CELF2: variants seen among roughly 807,000 people sequenced by gnomAD.
CELF2 encodes CUG triplet repeat RNA-binding protein 2.
A neutral mutation model predicts 62.6 loss-of-function variants in CELF2; 8 were observed. That is an observed-to-expected ratio of 0.13 (90% CI 0.07 to 0.23). The LOEUF (loss-of-function observed/expected upper bound fraction) is 0.23. Ranked by LOEUF, CELF2 falls within the 10% of genes least tolerant of loss-of-function variation. The pLI, the probability that CELF2 is intolerant of heterozygous loss-of-function variation, is 1.00. For missense variants in CELF2, 333 were observed against 671.0 expected (o/e 0.50, Z 5.56); for synonymous variants, 258 against 250.0 (o/e 1.03, Z -0.30).
intron 1 of CELF2, among the ~76,000 whole-genome samples, chr10:11,070,946 C>G (rs1426019787): frequency 6.6e-6 from 1 of 151,980 alleles, no homozygotes; most frequent in African/African-American, 2.4e-5. Context: ...TTGGAACTAG[C>G]CAGCTATGAA....
At chr10:10,726,339 T>C in the CELF2 span, among the ~76,000 whole-genome samples, 8 of 152,294 alleles carry the variant, frequency 5.3e-5, no homozygotes, top group East Asian at 1.5e-3. Context: ...CTTTCTAGAT[T>C]GTGCTTCTCT....
the CELF2 span, among the ~76,000 whole-genome samples, chr10:10,594,120 C>T: frequency 3.3e-5 from 5 of 152,024 alleles, no homozygotes; most frequent in East Asian, 1.9e-4. Context: ...ACCGTGGAGG[C>T]GGAGAAGAGG....
intron 2 of CELF2, among the ~76,000 whole-genome samples, chr10:11,210,194 G>T (rs866793205): frequency 3.9e-5 from 6 of 152,050 alleles, no homozygotes; most frequent in Middle Eastern, 3.2e-3. Context: ...TTGCTTTGTT[G>T]TTTAATAAAA....
chr10:11,158,415 T>C (rs1407841666), intron 1 of CELF2, among the ~76,000 whole-genome samples: 1 of 152,128 alleles, frequency 6.6e-6, no homozygotes, highest in Non-Finnish European at 1.5e-5. Context: ...CCTGTTGCCA[T>C]TTCTAAAAGT....
At chr10:11,183,330 C>G (rs1565147587) in intron 2 of CELF2, among the ~76,000 whole-genome samples, 1 of 152,204 alleles carries the variant, frequency 6.6e-6, no homozygotes, top group African/African-American at 2.4e-5. Context: ...GGTACCACAG[C>G]TCATCACCTC....
intron 1 of CELF2, among the ~76,000 whole-genome samples, chr10:10,818,397 G>A (rs1288061175): frequency 1.3e-5 from 2 of 152,112 alleles, no homozygotes; most frequent in African/African-American, 2.4e-5. Flanking sequence ...ATTAGATGAC[G>A]TTCTGCTTCC....
chr10:11,231,526 AG>A (rs111972504), intron 3 of CELF2, among the ~76,000 whole-genome samples: 2,351 of 152,232 alleles, frequency 0.015, 64 homozygotes, highest in African/African-American at 0.054. Context: ...TGAGCAGAGA[AG>A]GGGATCCGGA....
At chr10:10,954,199 T>A (rs2048626918) in intron 2 of CELF2, among the ~76,000 whole-genome samples, 2 of 146,796 alleles carry the variant, frequency 1.4e-5, no homozygotes, top group Non-Finnish European at 3.0e-5. Context: ...TAGAGGGCAA[T>A]TTGGCAATTT....
chr10:11,284,886 G>T lies in CELF2; in HGVS notation c.842-3532G>T, dbSNP rs61657914. 2.6e-3 allele frequency among the ~76,000 whole-genome samples: 395 copies of T among 149,884 alleles called. 7 individuals are homozygous for T. Among genetic ancestry groups the T allele is most frequent in the African/African-American group, 9.3e-3 (375 of 40,412 alleles). On this transcript the variant is annotated intron_variant, in intron 8 of 12. Coordinates refer to ENST00000633077, the MANE Select transcript of CELF2 (RefSeq NM_001326342.2). ...TGGATGGATGGATAGTTGGGTAGAT[G>T]TGTGGGTGGATGGGTGGATGGTTGG...
chr10:10,662,324 G>A, the CELF2 span, among the ~76,000 whole-genome samples: 1 of 152,206 alleles, frequency 6.6e-6, no homozygotes, highest in Admixed American at 6.5e-5. Context: ...CCAGTAGACA[G>A]TTAGATATTT....
At chr10:11,140,427 C>A (rs543615688) in intron 1 of CELF2, among the ~76,000 whole-genome samples, 3 of 151,862 alleles carry the variant, frequency 2.0e-5, no homozygotes, top group Non-Finnish European at 4.4e-5. Context: ...CATTTAAGTG[C>A]CCCATTTCAA....
Position 11,227,380 on chromosome 10 carries a change from T to C in CELF2, c.354+9873T>C, listed in dbSNP as rs563791316. Among the ~76,000 whole-genome samples, 10 of 152,266 alleles carry C rather than the reference T, an allele frequency of 6.6e-5. No homozygotes were observed. Among genetic ancestry groups the C allele is most frequent in the Non-Finnish European group, 8.8e-5 (6 of 68,020 alleles). On this transcript the variant is annotated intron_variant, in intron 3 of 12. Transcript: ENST00000633077. The surrounding 1 kb of genome is among the most constrained non-coding windows in gnomAD (Gnocchi z 4.8). ...AGAACCAGGCAGCCCACGCCACAGA[T>C]GGCACAGCAGGATGAACACGGCCCC...
chr10:11,295,268 A>G (rs73583214), intron 9 of CELF2, among the ~76,000 whole-genome samples: 6,887 of 152,204 alleles, frequency 0.045, 230 homozygotes, highest in African/African-American at 0.049. Context: ...GAACTGTTCC[A>G]GCACTGGAGA....
chr10:10,564,674 GCACACACGCACACACA>G, the CELF2 span, among the ~76,000 whole-genome samples: 3 of 64,284 alleles, frequency 4.7e-5, no homozygotes, highest in African/African-American at 1.3e-4. Context: ...ACACACACAC[GCACACACGCACACACA>G]CACACACACA....
Position 10,938,008 on chromosome 10 carries a change from G to A in CELF2, c.89+18009G>A, listed in dbSNP as rs961674037. 4.6e-5 allele frequency among the ~76,000 whole-genome samples: 7 copies of A among 152,176 alleles called. No homozygotes were observed. The East Asian group carries it at 7.7e-4, about 17-fold the overall frequency. On this transcript the variant is annotated intron_variant, in intron 2 of 13. Coordinates refer to the CELF2 transcript ENST00000636488. The surrounding 1 kb of genome is among the most constrained non-coding windows in gnomAD (Gnocchi z 4.2). Reference sequence around the variant, plus strand: ...AGAAGCAAAATTCTTCTCTACTTTCGACTCTATTCCCATTCAGTCTATCCC... The same window carrying A: ...AGAAGCAAAATTCTTCTCTACTTTCAACTCTATTCCCATTCAGTCTATCCC...
intron 1 of CELF2, among the ~76,000 whole-genome samples, chr10:10,874,927 A>T (rs2060987975): frequency 6.6e-6 from 1 of 152,208 alleles, no homozygotes; most frequent in South Asian, 2.1e-4. Flanking sequence ...ATCTGTTTTA[A>T]GAATCTCTAG....
chr10:11,046,964 A>C lies in CELF2; in HGVS notation c.74+28801A>C, dbSNP rs909049097. On this transcript the variant is annotated intron_variant, in intron 1 of 12. Coordinates refer to ENST00000633077, the MANE Select transcript of CELF2 (RefSeq NM_001326342.2). The surrounding 1 kb of genome is among the most constrained non-coding windows in gnomAD (Gnocchi z 4.6). The stretch of plus-strand genomic sequence containing the variant: ...TTGTTCGGAATTATTATATTGTCAG[A>C]CCCATTGTTTATTTCGCTCACATTT... Among the ~76,000 whole-genome samples the C allele has an allele frequency of 8.0e-5, 12 of 149,682 alleles. No individual in the cohort carries two copies. Among genetic ancestry groups the C allele is most frequent in the South Asian group, 2.1e-4 (1 of 4,750 alleles).
At chr10:11,235,864 C>T (rs2071051683) in intron 3 of CELF2, among the ~76,000 whole-genome samples, 1 of 151,926 alleles carries the variant, frequency 6.6e-6, no homozygotes, top group South Asian at 2.1e-4. Flanking sequence ...GATATTTAAT[C>T]ATTTTTGCTT....
intron 3 of CELF2, among the ~76,000 whole-genome samples, chr10:11,219,568 G>A (rs552958677): frequency 6.6e-6 from 1 of 152,286 alleles, no homozygotes; most frequent in South Asian, 2.1e-4. Flanking sequence ...GATTTGTAAG[G>A]CTGATAGCCT....
Sources: allele counts gnomAD v4.1 joint callset (sites outside exome capture counted in the v4.1 genomes callset), GRCh38; gene constraint gnomAD v4.1.1; non-coding constraint Gnocchi (gnomAD v3.1); transcripts MANE v1.5; gene names NCBI Gene and HGNC (gene_info 2026-07-23, HGNC 2026-07-21).